The following HERC4 variants were observed in gnomAD, a reference collection of about 807,000 sequenced individuals.
HERC4 encodes the protein probable E3 ubiquitin-protein ligase HERC4.
HERC4 carries 28 observed loss-of-function variants against 124.3 expected under a neutral mutation model. The ratio of observed to expected loss-of-function variants is 0.23; its 90% CI spans 0.17 to 0.31. The LOEUF (loss-of-function observed/expected upper bound fraction) is 0.31, where lower values mean the gene tolerates loss of function less well. HERC4 is among the 10% of genes least tolerant of loss of function. The pLI is 1.00. For missense variants in HERC4, 713 were observed against 1,229.3 expected (o/e 0.58, Z 6.28); for synonymous variants, 407 against 421.5 (o/e 0.97, Z 0.42).
chr10:68,019,592 C>G (rs537196441), intron 8 of HERC4, among the ~76,000 whole-genome samples: 7 of 152,158 alleles, frequency 4.6e-5, no homozygotes, highest in African/African-American at 1.7e-4. Flanking sequence ...ATTACACTGA[C>G]AGAATCTGTC....
intron 4 of HERC4, chr10:68,038,381 G>T (rs568771508): frequency 1.3e-4 from 53 of 395,130 alleles, no homozygotes; most frequent in South Asian, 6.2e-4. Context: ...GGGGTGAAAA[G>T]AACACATCTT....
chr10:67,935,184 C>G (rs910799906), intron 22 of HERC4, among the ~76,000 whole-genome samples: 9 of 148,544 alleles, frequency 6.1e-5, no homozygotes, highest in African/African-American at 2.2e-4. Context: ...CTCGCTCTGT[C>G]GCCCAGGCTG....
intron 23 of HERC4, among the ~76,000 whole-genome samples, chr10:67,927,397 TA>T (rs1564910376): frequency 0.059 from 372 of 6,344 alleles, 36 homozygotes; most frequent in East Asian, 0.25. Flanking sequence ...TATATATATA[TA>T]TATATATATA....
chr10:68,028,701 T>C (rs2039032473), intron 7 of HERC4, among the ~76,000 whole-genome samples: 1 of 151,990 alleles, frequency 6.6e-6, no homozygotes, highest in African/African-American at 2.4e-5. Context: ...AATAAATGAG[T>C]TCATACTAAC....
At chr10:67,983,604 C>G (rs1158830953) in intron 15 of HERC4, among the ~76,000 whole-genome samples, 1 of 151,770 alleles carries the variant, frequency 6.6e-6, no homozygotes, top group Non-Finnish European at 1.5e-5. Flanking sequence ...ACGGTGAAAC[C>G]CCGTCTCTAC....
At chr10:67,993,893 C>T (rs1227411429) in intron 9 of HERC4, 1 of 152,120 alleles carries the variant, frequency 6.6e-6, no homozygotes, top group African/African-American at 2.4e-5. Flanking sequence ...ACTAATTCTT[C>T]ACCTTGTATT....
intron 19 of HERC4, among the ~76,000 whole-genome samples, chr10:67,943,692 A>G (rs761233762): frequency 6.6e-6 from 1 of 152,188 alleles, no homozygotes; most frequent in Non-Finnish European, 1.5e-5. Flanking sequence ...GGATCAAATG[A>G]AGGTCTGTAC....
intron 9 of HERC4, among the ~76,000 whole-genome samples, chr10:68,005,682 TTTAA>T (rs1401163593): frequency 1.3e-5 from 2 of 152,100 alleles, no homozygotes; most frequent in Non-Finnish European, 2.9e-5. Flanking sequence ...CCTTTTTTTT[TTTAA>T]TTTTCTGTGC....
intron 3 of HERC4, among the ~76,000 whole-genome samples, chr10:68,072,456 T>C (rs1270401887): frequency 6.6e-6 from 1 of 152,150 alleles, no homozygotes; most frequent in Non-Finnish European, 1.5e-5. Context: ...TAAAAATATA[T>C]TTTAGGCAAG....
chr10:68,015,568 A>G (rs2038214342), intron 8 of HERC4, among the ~76,000 whole-genome samples: 1 of 152,166 alleles, frequency 6.6e-6, no homozygotes, highest in Non-Finnish European at 1.5e-5. Context: ...AGTTCTCTTT[A>G]CAACCTGGCA....
chr10:67,946,393 ACAC>A (rs1305232096), intron 19 of HERC4, among the ~76,000 whole-genome samples: 17 of 145,568 alleles, frequency 1.2e-4, no homozygotes, highest in African/African-American at 3.9e-4. Context: ...ACACACACAC[ACAC>A]AAGACCCAAT....
At chr10:67,940,825 G>A (rs1589138803) in intron 20 of HERC4, 114 bp downstream of exon 20, 1 of 944,514 alleles carries the variant, frequency 1.1e-6, no homozygotes, top group Non-Finnish European at 1.6e-6. Context: ...GTTTACTTCA[G>A]AAATTTAACA....
At chr10:68,013,868 T>C (rs569720369) in intron 9 of HERC4, among the ~76,000 whole-genome samples, 158 bp downstream of exon 9, 80 of 152,332 alleles carry the variant, frequency 5.3e-4, no homozygotes, top group Non-Finnish European at 1.0e-3. Flanking sequence ...CAAGTAAATA[T>C]AAGCAAATCA....
intron 3 of HERC4, among the ~76,000 whole-genome samples, chr10:68,059,676 T>C (rs1414672785): frequency 1.4e-5 from 1 of 71,238 alleles, no homozygotes; most frequent in Non-Finnish European, 2.1e-5. Flanking sequence ...TATTATATTA[T>C]ATATCATAAT....
intron 23 of HERC4, among the ~76,000 whole-genome samples, chr10:67,929,819 A>ATTTCTTTTTTTTTT (rs2031580726): frequency 7.0e-6 from 1 of 143,282 alleles, no homozygotes; most frequent in African/African-American, 2.7e-5. Context: ...CCAGCTGTGC[A>ATTTCTTTTTTTTTT]TTTTTTTTTT....
Position 67,992,674 on chromosome 10 carries a change from C to A in HERC4, c.1078G>T (p.Glu360Ter). 6.7e-7 allele frequency: 1 copy of A among 1,499,648 alleles called. No individual in the cohort carries two copies. Among genetic ancestry groups the A allele is most frequent in the Non-Finnish European group, 9.2e-7 (1 of 1,089,680 alleles). The allele number at this position is 1,499,648 out of a possible 1,614,324, so 92.9% of individuals were successfully genotyped here. The stretch of plus-strand genomic sequence containing the variant: ...AAAATTCTTTTTACACAGAAATATT[C>A]TTCAGAATCTGTAATAAAAATGTAA... ...GQCLPDIDSEEYFCVKRIFSG... is the reference protein window; with the variant it reads ...GQCLPDIDSE Residue 360 changes from glutamate (E) to a stop codon, truncating the protein, a stop_gained, in exon 10 of 25, where the codon GAA becomes TAA. Coordinates refer to ENST00000373700, the MANE Select transcript of HERC4 (RefSeq NM_015601.4). LOFTEE classifies it high-confidence loss of function.
At position 68,025,540 on chromosome 10, in the gene HERC4, C is replaced by T. The variant is rs147218319; in HGVS notation, c.908+6G>A. ...GACCAAAATGCTCTTTTACATAACACCTTACCGTCCACAAGCAATCTCAGT... is the reference window on the plus strand; with the variant it reads ...GACCAAAATGCTCTTTTACATAACATCTTACCGTCCACAAGCAATCTCAGT... On this transcript the variant is annotated splice_donor_region_variant and intron_variant, in intron 8 of 24. Transcript: ENST00000373700. 267 of 1,611,888 alleles carry T rather than the reference C, an allele frequency of 1.7e-4. 2 individuals are homozygous for T. The African/African-American group carries it at 3.1e-3, about 19-fold the overall frequency.
chr10:67,925,896 T>G (rs2030869859), intron 23 of HERC4, among the ~76,000 whole-genome samples: 1 of 152,286 alleles, frequency 6.6e-6, no homozygotes, highest in African/African-American at 2.4e-5. Flanking sequence ...TCTCTATCCT[T>G]AATCATGCTT....
chr10:68,018,125 G>T (rs2038378137), intron 8 of HERC4, among the ~76,000 whole-genome samples: 2 of 151,754 alleles, frequency 1.3e-5, no homozygotes. Context: ...AGAAATATAA[G>T]TAAGAGTCAA....
Sources: allele counts gnomAD v4.1 joint callset (sites outside exome capture counted in the v4.1 genomes callset), GRCh38; gene constraint gnomAD v4.1.1; transcripts MANE v1.5; gene names NCBI Gene and HGNC (gene_info 2026-07-23, HGNC 2026-07-21).